The following ULK4 variants were observed in gnomAD, a reference collection of about 807,000 sequenced individuals.
ULK4 encodes the protein inactive serine/threonine-protein kinase ULK4.
In ULK4, 133 loss-of-function variants were observed where a neutral mutation model predicts 160.6. That is an observed-to-expected ratio of 0.83 (90% CI 0.72 to 0.96). The LOEUF (loss-of-function observed/expected upper bound fraction) is 0.96. Among genes scored for constraint, ULK4 ranks in the 40% least tolerant of loss-of-function variants. The pLI is 0.00. For missense variants in ULK4, 1,580 were observed against 1,499.5 expected, an observed-to-expected ratio of 1.05 and a Z score of -0.89; for synonymous variants, 534 against 539.8, an observed-to-expected ratio of 0.99 and a Z score of 0.15.
intron 34 of ULK4, among the ~76,000 whole-genome samples, chr3:41,412,553 A>ATTTTTTTCTTTTTTTTTTT (rs2082429333): frequency 2.8e-4 from 28 of 100,432 alleles, no homozygotes; most frequent in African/African-American, 1.2e-3. Context: ...ATGCAGTTGA[A>ATTTTTTTCTTTTTTTTTTT]TTTTTTTTTT....
intron 31 of ULK4, among the ~76,000 whole-genome samples, chr3:41,603,069 C>T (rs1363543360): frequency 6.6e-6 from 1 of 151,906 alleles, no homozygotes; most frequent in East Asian, 1.9e-4. Flanking sequence ...AATGACCCAA[C>T]TACATGTTGT....
chr3:41,923,829 C>T (rs1699285338), intron 5 of ULK4, among the ~76,000 whole-genome samples: 1 of 152,158 alleles, frequency 6.6e-6, no homozygotes, highest in Non-Finnish European at 1.5e-5. Context: ...TTTCTAATTT[C>T]TCTAAATCAA....
chr3:41,499,263 T>A (rs2371585), intron 32 of ULK4, among the ~76,000 whole-genome samples: 126,087 of 152,096 alleles, frequency 0.83, 53,888 homozygotes, highest in Non-Finnish European at 0.94. Flanking sequence ...TAGAAAAAGC[T>A]CATGAAGAAC....
chr3:41,393,700 G>A (rs2082000593), intron 35 of ULK4, among the ~76,000 whole-genome samples: 1 of 152,148 alleles, frequency 6.6e-6, no homozygotes, highest in African/African-American at 2.4e-5. Flanking sequence ...CTGGTGCAGT[G>A]CTTTGCACAT....
At chr3:41,492,552 G>A (rs1008976973) in intron 32 of ULK4, among the ~76,000 whole-genome samples, 8 of 148,036 alleles carry the variant, frequency 5.4e-5, no homozygotes, top group Non-Finnish European at 8.9e-5. Context: ...ACATCATAAT[G>A]ACAGGATCAA....
chr3:41,739,631 G>C (rs1309140462), intron 22 of ULK4, among the ~76,000 whole-genome samples: 2 of 151,902 alleles, frequency 1.3e-5, no homozygotes, highest in Non-Finnish European at 2.9e-5. Flanking sequence ...ACATGGGTAG[G>C]CTTCTCAGAA....
At chr3:41,353,198 G>T (rs1407458493) in intron 35 of ULK4, among the ~76,000 whole-genome samples, 1 of 152,128 alleles carries the variant, frequency 6.6e-6, no homozygotes, top group Non-Finnish European at 1.5e-5. Flanking sequence ...ACCCTCTCTG[G>T]AATTCAGATT....
At chr3:41,711,440 T>C (rs2037093342) in intron 25 of ULK4, among the ~76,000 whole-genome samples, 1 of 152,150 alleles carries the variant, frequency 6.6e-6, no homozygotes, top group Non-Finnish European at 1.5e-5. Flanking sequence ...CAAACTGGGA[T>C]ACAAATTCAT....
At chr3:41,934,168 C>G (rs1272190528) in intron 4 of ULK4, among the ~76,000 whole-genome samples, 1 of 152,162 alleles carries the variant, frequency 6.6e-6, no homozygotes. Flanking sequence ...ATTTCCATAT[C>G]CATAAATGAA....
chr3:41,387,951 T>A (rs2081860788), intron 35 of ULK4, among the ~76,000 whole-genome samples: 2 of 152,230 alleles, frequency 1.3e-5, no homozygotes, highest in African/African-American at 4.8e-5. Context: ...ATCGCCACAC[T>A]GACTTCCACA....
chr3:41,530,981 C>T (rs1332531408), intron 32 of ULK4, among the ~76,000 whole-genome samples: 1 of 151,204 alleles, frequency 6.6e-6, no homozygotes, highest in Non-Finnish European at 1.5e-5. Flanking sequence ...CCAAGATGGT[C>T]TCGATCTCTT....
intron 29 of ULK4, among the ~76,000 whole-genome samples, chr3:41,675,514 T>C (rs1258390831): frequency 6.6e-6 from 1 of 151,804 alleles, no homozygotes; most frequent in Non-Finnish European, 1.5e-5. Context: ...CTCTTGAACC[T>C]GGGAGGCGAA....
intron 31 of ULK4, among the ~76,000 whole-genome samples, chr3:41,584,495 C>T (rs2030638523): frequency 1.3e-5 from 2 of 151,986 alleles, no homozygotes; most frequent in African/African-American, 4.8e-5. Context: ...CACTATATTG[C>T]CCAGTGATCT....
intron 35 of ULK4, among the ~76,000 whole-genome samples, chr3:41,282,774 G>A (rs1212735130): frequency 1.3e-5 from 2 of 152,060 alleles, no homozygotes; most frequent in Non-Finnish European, 2.9e-5. Context: ...CAAAAGCAAT[G>A]GCAACAAAAG....
At chr3:41,336,312 A>C (rs1313435636) in intron 35 of ULK4, among the ~76,000 whole-genome samples, 2 of 152,216 alleles carry the variant, frequency 1.3e-5, no homozygotes, top group Non-Finnish European at 2.9e-5. Flanking sequence ...TGTCCTCTAC[A>C]ATCAGTTTAA....
intron 8 of ULK4, among the ~76,000 whole-genome samples, chr3:41,913,472 G>A (rs1483996419): frequency 1.3e-5 from 2 of 152,072 alleles, no homozygotes; most frequent in Non-Finnish European, 1.5e-5. Context: ...TGATCCACCC[G>A]CCTCCGCCTC....
intron 35 of ULK4, among the ~76,000 whole-genome samples, chr3:41,294,172 G>A (rs957724957): frequency 6.6e-6 from 1 of 152,194 alleles, no homozygotes; most frequent in African/African-American, 2.4e-5. Flanking sequence ...GGTCATGAGG[G>A]CTTTGCCTTC....
chr3:41,801,872 TAAAAA>T (rs931022988), intron 19 of ULK4, among the ~76,000 whole-genome samples: 3 of 150,304 alleles, frequency 2.0e-5, no homozygotes, highest in African/African-American at 4.9e-5. Flanking sequence ...TAAAATAAAA[TAAAAA>T]GAAAAGAAAA....
intron 35 of ULK4, among the ~76,000 whole-genome samples, chr3:41,288,666 C>T (rs2079506783): frequency 6.6e-6 from 1 of 152,150 alleles, no homozygotes; most frequent in African/African-American, 2.4e-5. Context: ...ACTGATCAAA[C>T]CAATCTGACT....
Sources: allele counts gnomAD v4.1 joint callset (sites outside exome capture counted in the v4.1 genomes callset), GRCh38; gene constraint gnomAD v4.1.1; transcripts MANE v1.5; gene names NCBI Gene and HGNC (gene_info 2026-07-23, HGNC 2026-07-21).